Variants in SH3GL2 observed in about 807,000 individuals in gnomAD.
SH3GL2 encodes endophilin-A1.
In SH3GL2, 24 loss-of-function variants were observed where a neutral mutation model predicts 46.0. The ratio of observed to expected loss-of-function variants is 0.52; its 90% CI spans 0.38 to 0.73. The LOEUF is 0.73. Among genes scored for constraint, SH3GL2 ranks in the 30% least tolerant of loss-of-function variants. The probability of loss-of-function intolerance (pLI) is 0.00; values close to 1 mark genes in which losing one functional copy is unlikely to be tolerated. For missense variants in SH3GL2, 413 were observed against 424.2 expected (o/e 0.97, Z 0.23); for synonymous variants, 196 against 147.1 (o/e 1.33, Z -2.40).
chr9:17,645,362 C>A (rs1415674784), intron 1 of SH3GL2, among the ~76,000 whole-genome samples: 1 of 151,844 alleles, frequency 6.6e-6, no homozygotes, highest in Non-Finnish European at 1.5e-5. Context: ...GGGCATTTAT[C>A]CCATTTACAT....
At chr9:17,711,984 G>T (rs1286744214) in intron 1 of SH3GL2, among the ~76,000 whole-genome samples, 2 of 151,780 alleles carry the variant, frequency 1.3e-5, no homozygotes, top group East Asian at 3.9e-4. Flanking sequence ...TGGCATGGCA[G>T]ACTTTTTAGT....
intron 1 of SH3GL2, chr9:17,591,386 T>C (rs1339935645): frequency 1.3e-5 from 2 of 152,078 alleles, no homozygotes; most frequent in African/African-American, 4.8e-5. Flanking sequence ...AGAGTTAAAT[T>C]AGCATTTACT....
Position 17,782,198 on chromosome 9 carries a change from T to G in SH3GL2, c.188-4183T>G, listed in dbSNP as rs571156979. On this transcript the variant is annotated intron_variant, in intron 3 of 8. Transcript: ENST00000380607. ...AATTGTTTCCAGTGTAACCTCCTTA[T>G]TGATTTTAATCAATTTAATCTTTTT... Among the ~76,000 whole-genome samples the G allele has an allele frequency of 4.4e-4, 67 of 152,302 alleles. 1 individual carries two copies. In the South Asian group the frequency reaches 0.013, roughly 31 times the overall value.
At chr9:17,794,548 C>G (rs1424031605) in intron 8 of SH3GL2, among the ~76,000 whole-genome samples, 1 of 152,158 alleles carries the variant, frequency 6.6e-6, no homozygotes, top group Non-Finnish European at 1.5e-5. Context: ...CCATATATTT[C>G]ACTTTTCATC....
chr9:17,628,751 A>G (rs952217801), intron 1 of SH3GL2, among the ~76,000 whole-genome samples: 9 of 152,052 alleles, frequency 5.9e-5, no homozygotes, highest in African/African-American at 1.7e-4. Context: ...TATATTGGGC[A>G]CTAAGTATTA....
chr9:17,683,408 C>G (rs767019974), intron 1 of SH3GL2, among the ~76,000 whole-genome samples: 1 of 152,022 alleles, frequency 6.6e-6, no homozygotes, highest in Admixed American at 6.6e-5. Flanking sequence ...AAGCCTTAAG[C>G]TCCTGGGGGA....
At chr9:17,682,344 T>G (rs1348949321) in intron 1 of SH3GL2, among the ~76,000 whole-genome samples, 1 of 152,164 alleles carries the variant, frequency 6.6e-6, no homozygotes, top group East Asian at 1.9e-4. Flanking sequence ...ATAAAGCAAA[T>G]GTGGTACATG....
intron 1 of SH3GL2, among the ~76,000 whole-genome samples, chr9:17,586,701 G>A (rs183661718): frequency 4.6e-5 from 7 of 152,220 alleles, no homozygotes; most frequent in Admixed American, 1.3e-4. Context: ...TTATAAAACC[G>A]TCAGCTCTCG....
intron 1 of SH3GL2, among the ~76,000 whole-genome samples, chr9:17,714,457 C>CT (rs1563823865): frequency 6.6e-6 from 1 of 151,328 alleles, no homozygotes; most frequent in African/African-American, 2.4e-5. Context: ...TTTTCCCTGC[C>CT]TTTTTTTGGA....
chr9:17,691,459 C>T (rs563781080), intron 1 of SH3GL2, among the ~76,000 whole-genome samples: 2 of 152,178 alleles, frequency 1.3e-5, no homozygotes, highest in South Asian at 2.1e-4. Flanking sequence ...TTCTTGCTAA[C>T]CTTAATTTTT....
chr9:17,706,175 C>A (rs1189193987), intron 1 of SH3GL2, among the ~76,000 whole-genome samples: 1 of 151,978 alleles, frequency 6.6e-6, no homozygotes, highest in African/African-American at 2.4e-5. Flanking sequence ...TCTGGAGTGG[C>A]AAAGGGACAT....
At chr9:17,711,389 G>A (rs1191657115) in intron 1 of SH3GL2, among the ~76,000 whole-genome samples, 1 of 151,728 alleles carries the variant, frequency 6.6e-6, no homozygotes, top group Non-Finnish European at 1.5e-5. Flanking sequence ...ATATACATCT[G>A]TGAATTGATC....
At chr9:17,642,422 C>CTT (rs933160888) in intron 1 of SH3GL2, among the ~76,000 whole-genome samples, 2 of 151,984 alleles carry the variant, frequency 1.3e-5, no homozygotes, top group Admixed American at 1.3e-4. Context: ...GTCATGAAGG[C>CTT]TGCCCATGCC....
intron 3 of SH3GL2, among the ~76,000 whole-genome samples, chr9:17,767,707 G>C (rs942551249): frequency 4.6e-5 from 7 of 152,286 alleles, no homozygotes; most frequent in African/African-American, 1.7e-4. Flanking sequence ...GCTGAGTCTA[G>C]TAGCCAGAGC....
intron 1 of SH3GL2, among the ~76,000 whole-genome samples, chr9:17,714,672 G>C (rs117998913): frequency 0.01 from 1,521 of 151,682 alleles, 16 homozygotes; most frequent in Middle Eastern, 0.024. Context: ...TGGCCTTTAT[G>C]TTACTGTTGT....
chr9:17,607,982 G>A (rs531665485), intron 1 of SH3GL2, among the ~76,000 whole-genome samples: 6 of 152,060 alleles, frequency 3.9e-5, no homozygotes, highest in Admixed American at 1.3e-4. Context: ...TGTTTATTAT[G>A]GTGAAGAAAT....
intron 2 of SH3GL2, among the ~76,000 whole-genome samples, chr9:17,756,768 T>C (rs1410030623): frequency 6.6e-6 from 1 of 152,078 alleles, no homozygotes; most frequent in Non-Finnish European, 1.5e-5. Context: ...CTGTTGTGAA[T>C]AGTGCCGCAA....
intron 1 of SH3GL2, among the ~76,000 whole-genome samples, chr9:17,680,197 T>C (rs200494507): frequency 6.6e-6 from 1 of 151,720 alleles, no homozygotes; most frequent in Admixed American, 6.6e-5. Flanking sequence ...TAGTTTCAGA[T>C]GGAATGGTAC....
In SH3GL2 at chr9:17,761,525, A is replaced by T. The variant is rs755692418; in HGVS notation, c.187+16A>T. 2 of 1,445,636 alleles carry T rather than the reference A, an allele frequency of 1.4e-6. No homozygotes were observed. Among genetic ancestry groups the T allele is most frequent in the South Asian group, 1.1e-5 (1 of 87,712 alleles). 89.6% of individuals were successfully genotyped at this position (1,445,636 alleles called of 1,614,324 possible). ...CCCAATCCAGGTAAGGCATCATCTTATATGTTTAAAGGATCCCTCGAGGTA... is the reference window on the plus strand; with the variant it reads ...CCCAATCCAGGTAAGGCATCATCTTTTATGTTTAAAGGATCCCTCGAGGTA... On this transcript the variant is annotated intron_variant, in intron 3 of 8. Coordinates refer to ENST00000380607, the MANE Select transcript of SH3GL2 (RefSeq NM_003026.5).
Sources: allele counts gnomAD v4.1 joint callset (sites outside exome capture counted in the v4.1 genomes callset), GRCh38; gene constraint gnomAD v4.1.1; transcripts MANE v1.5; gene names NCBI Gene and HGNC (gene_info 2026-07-23, HGNC 2026-07-21).